Variants in DNAH3 observed in about 807,000 individuals in gnomAD.
DNAH3 encodes dynein axonemal heavy chain 3.
In DNAH3, 332 loss-of-function variants were observed where a neutral mutation model predicts 432.5. That is an observed-to-expected ratio of 0.77 (90% CI 0.70 to 0.84). The LOEUF (loss-of-function observed/expected upper bound fraction) is 0.84. Among genes scored for constraint, DNAH3 ranks in the 40% least tolerant of loss-of-function variants. The pLI, the probability that DNAH3 is intolerant of heterozygous loss-of-function variation, is 0.00. For synonymous variants in DNAH3, 1,956 were observed against 1,900.2 expected (o/e 1.03, Z -0.76); for missense variants, 4,861 against 5,114.0 (o/e 0.95, Z 1.51).
chr16:21,069,079 A>G (rs1162159264), intron 23 of DNAH3, among the ~76,000 whole-genome samples: 3 of 147,284 alleles, frequency 2.0e-5, no homozygotes, highest in Admixed American at 7.0e-5. Context: ...CATTCACCAC[A>G]ATGCCTGGCT....
chr16:21,042,490 G>A (rs571321876), intron 31 of DNAH3, among the ~76,000 whole-genome samples: 1 of 151,982 alleles, frequency 6.6e-6, no homozygotes, highest in African/African-American at 2.4e-5. Context: ...TGTGTTTATT[G>A]GTTCAAAGAT....
Position 21,027,136 on chromosome 16 carries a change from G to A in DNAH3, c.5440-9C>T, listed in dbSNP as rs763525590. The A allele has an allele frequency of 1.2e-6, 2 of 1,600,410 alleles. No homozygotes were observed. Among genetic ancestry groups the A allele is most frequent in the South Asian group, 1.1e-5 (1 of 90,754 alleles). Reference sequence around the variant, plus strand: ...CCACTCATGAGACACAGCTAAAAGTGCAAAGCAGAGGGTAGCAGACAGGGG... The same window carrying A: ...CCACTCATGAGACACAGCTAAAAGTACAAAGCAGAGGGTAGCAGACAGGGG... On this transcript the variant is annotated splice_polypyrimidine_tract_variant and intron_variant, in intron 37 of 61. Transcript: ENST00000261383.
chr16:20,948,039 G>A (rs2084131462), intron 57 of DNAH3, among the ~76,000 whole-genome samples: 1 of 152,212 alleles, frequency 6.6e-6, no homozygotes, highest in South Asian at 2.1e-4. Context: ...GCCTCCCAAA[G>A]TGCTGAGATT....
chr16:21,104,343 G>C (rs920050324), intron 16 of DNAH3, 128 bp downstream of exon 16: 3 of 773,444 alleles, frequency 3.9e-6, no homozygotes, highest in Non-Finnish European at 6.7e-6. Context: ...TCCACCAATT[G>C]TTTTCAGACT....
chr16:20,980,685 G>A (rs1201364503), intron 49 of DNAH3, among the ~76,000 whole-genome samples: 1 of 152,004 alleles, frequency 6.6e-6, no homozygotes, highest in Non-Finnish European at 1.5e-5. Context: ...ACCATGCCCA[G>A]CCAATTTTTA....
intron 51 of DNAH3, among the ~76,000 whole-genome samples, chr16:20,974,648 G>C (rs1229688509): frequency 8.5e-6 from 1 of 118,098 alleles, no homozygotes; most frequent in Non-Finnish European, 1.6e-5. Flanking sequence ...CTTAAACTCC[G>C]AGGCTCTGGC....
chr16:21,135,273 A>T (rs936674810), intron 6 of DNAH3, among the ~76,000 whole-genome samples: 3 of 152,186 alleles, frequency 2.0e-5, no homozygotes, highest in African/African-American at 7.2e-5. Flanking sequence ...ACACAAAAAA[A>T]CCCACCATGG....
At chr16:20,936,760 G>A (rs2083605535) in exon 60 of DNAH3, 3 of 1,613,226 alleles carry the variant, frequency 1.9e-6, no homozygotes, top group Non-Finnish European at 1.7e-6. Flanking sequence ...CAAGCATGCT[G>A]TTAAAGACTT....
At position 21,005,169 on chromosome 16, in the gene DNAH3, CTTT is replaced by C. The variant is rs58778008; in HGVS notation, c.6023-1965_6023-1963del. Among the ~76,000 whole-genome samples the C allele has an allele frequency of 7.3e-3, 1,109 of 151,102 alleles. 9 individuals are homozygous for C. The highest frequency in any genetic ancestry group is 0.025 in the African/African-American group (1,041 of 40,986). On this transcript the variant is annotated intron_variant, in intron 41 of 61. Transcript: ENST00000261383. ...TCTCGTCTCTTTCTTTTCTTTCTTT[CTTT>C]TTCTTTTTCTTTCTCTTTCTCTCTC...
At chr16:21,023,398 C>G (rs925674550) in intron 39 of DNAH3, among the ~76,000 whole-genome samples, 3 of 152,086 alleles carry the variant, frequency 2.0e-5, no homozygotes, top group Non-Finnish European at 4.4e-5. Context: ...AAAGTTCTAG[C>G]AGGAAACACA....
At chr16:20,980,284 TTATAA>T (rs72177283) in intron 49 of DNAH3, among the ~76,000 whole-genome samples, 9,751 of 142,122 alleles carry the variant, frequency 0.069, 497 homozygotes, top group East Asian at 0.16. Flanking sequence ...ACATCATATA[TTATAA>T]TATACATCAT....
At chr16:20,933,544 C>T (rs1415706639) in intron 61 of DNAH3, 37 bp from the exon 62 acceptor site, 1 of 1,496,992 alleles carries the variant, frequency 6.7e-7, no homozygotes, top group Non-Finnish European at 9.0e-7. Context: ...CATTGCCTGC[C>T]ATTTTCCTAC....
rs79877746 is a variant in DNAH3, at chr16:20,974,688, T to G, written c.8259+545A>C. Among the ~76,000 whole-genome samples the G allele has an allele frequency of 1.7e-3, 252 of 145,054 alleles. 1 individual carries two copies. The highest frequency in any genetic ancestry group is 5.7e-3 in the African/African-American group (225 of 39,490). On this transcript the variant is annotated intron_variant, in intron 51 of 61. Transcript: ENST00000261383. ...CTCCTGCCTTTGTCTCCCAAAAATC[T>G]GGGATCACAGGTGTGAGCCACCACA... is the stretch of plus-strand genomic sequence containing the variant.
intron 1 of DNAH3, among the ~76,000 whole-genome samples, chr16:21,148,964 C>T (rs1193162783): frequency 6.6e-6 from 1 of 152,150 alleles, no homozygotes; most frequent in East Asian, 1.9e-4. Context: ...GCCGTGGTAG[C>T]TAATGTCTAT....
rs141404490 is a variant in DNAH3, at chr16:21,105,426, A to C, written c.2285-874T>G. 3.7e-3 allele frequency among the ~76,000 whole-genome samples: 565 copies of C among 152,346 alleles called. 5 individuals are homozygous for C. The highest frequency in any genetic ancestry group is 0.013 in the African/African-American group (526 of 41,584). On this transcript the variant is annotated intron_variant, in intron 15 of 61. Coordinates refer to ENST00000261383, the Ensembl canonical transcript of DNAH3. ...TTTTCCTTTTACAATACACAGGAGC[A>C]TGAAGAAAAGTGTCTCGGCCTCTTC...
At chr16:21,111,718 C>T (rs747868568) in exon 14 of DNAH3, 31 of 1,613,840 alleles carry the variant, frequency 1.9e-5, no homozygotes, top group Admixed American at 1.8e-4. Flanking sequence ...GATTTAGGGC[C>T]GTAGCATCAA....
At chr16:21,099,531 G>C (rs2091783129) in intron 16 of DNAH3, among the ~76,000 whole-genome samples, 1 of 152,050 alleles carries the variant, frequency 6.6e-6, no homozygotes, top group Non-Finnish European at 1.5e-5. Context: ...TTTCTAATGA[G>C]GTAGAATAAT....
At chr16:21,042,267 C>T (rs992130556) in intron 31 of DNAH3, 64 bp from the exon 32 acceptor site, 28 of 1,481,910 alleles carry the variant, frequency 1.9e-5, no homozygotes, top group Admixed American at 1.8e-4. Context: ...CCTACTCTAC[C>T]GGAGTCCTCC....
intron 38 of DNAH3, among the ~76,000 whole-genome samples, chr16:21,025,618 T>C (rs2088510872): frequency 6.6e-6 from 1 of 151,568 alleles, no homozygotes; most frequent in Admixed American, 6.6e-5. Context: ...TTAATAGAGT[T>C]ACTAAGATTT....
Sources: allele counts gnomAD v4.1 joint callset (sites outside exome capture counted in the v4.1 genomes callset), GRCh38; gene constraint gnomAD v4.1.1; transcripts MANE v1.5; gene names NCBI Gene and HGNC (gene_info 2026-07-23, HGNC 2026-07-21).